The following ISM2 variants were observed in gnomAD, a reference collection of about 807,000 sequenced individuals.
ISM2 encodes the protein isthmin 2, also known as isthmin-2.
A neutral mutation model predicts 58.0 loss-of-function variants in ISM2; 50 were observed. The observed-to-expected ratio is 0.86, with a 90% CI of 0.69 to 1.09. The LOEUF is 1.09. Among genes scored for constraint, ISM2 ranks in the 50% least tolerant of loss-of-function variants. The probability of loss-of-function intolerance (pLI) is 0.00; values close to 1 mark genes in which losing one functional copy is unlikely to be tolerated. For synonymous variants in ISM2, 303 were observed against 312.4 expected (o/e 0.97, Z 0.32); for missense variants, 723 against 745.0 (o/e 0.97, Z 0.34).
At chr14:77,482,924 TG>T (rs5809836) in intron 3 of ISM2, 231,144 of 382,466 alleles carry the variant, frequency 0.6, 75,234 homozygotes, top group East Asian at 0.95. Flanking sequence ...TGAACTGGTC[TG>T]GGCTGGGGCC....
intron 3 of ISM2, among the ~76,000 whole-genome samples, chr14:77,483,559 A>AG (rs1183157560): frequency 9.8e-4 from 149 of 151,954 alleles, no homozygotes; most frequent in African/African-American, 3.4e-3. Context: ...AAAAAAAAAA[A>AG]AAAGAAAGAA....
chr14:77,488,179 G>A (rs773805435), intron 1 of ISM2, among the ~76,000 whole-genome samples: 1 of 152,200 alleles, frequency 6.6e-6, no homozygotes, highest in African/African-American at 2.4e-5. Context: ...ACTGTGCTGA[G>A]CACAGTGCCT....
At chr14:77,477,346 G>A (rs1220436589) in intron 6 of ISM2, among the ~76,000 whole-genome samples, 1 of 152,114 alleles carries the variant, frequency 6.6e-6, no homozygotes, top group Non-Finnish European at 1.5e-5. Flanking sequence ...GGACACTGGG[G>A]GACTGACTTT....
At chr14:77,478,187 T>G (rs1443128279) in intron 6 of ISM2, 55 bp downstream of exon 6, 6 of 1,412,270 alleles carry the variant, frequency 4.2e-6, no homozygotes, top group Non-Finnish European at 6.0e-6. Context: ...TACCCCACCC[T>G]CCCCTGAGAG....
In ISM2 at chr14:77,495,522, C is replaced by G. The variant is rs547418106; in HGVS notation, c.141+3131G>C. ...ATGCCAATTTAGTTAATTTTATTAT[C>G]ACTGTCATCTCCATGTAGGAGGAGG... On this transcript the variant is annotated intron_variant, in intron 1 of 6. Coordinates refer to ENST00000342219, the MANE Select transcript of ISM2 (RefSeq NM_199296.3). Among the ~76,000 whole-genome samples the G allele has an allele frequency of 3.2e-3, 493 of 152,186 alleles. 4 individuals are homozygous for G. Among genetic ancestry groups the G allele is most frequent in the Non-Finnish European group, 6.2e-3 (422 of 68,040 alleles).
At position 77,475,784 on chromosome 14, in the gene ISM2, C is replaced by T. The variant is rs781050081; in HGVS notation, c.1527G>A (p.Met509Ile). ...AGAAGTCGGTGCTGATGAGGTTGGGCATGCCGGCGCCCTTGCCACGGGTCA... is the reference window on the plus strand; with the variant it reads ...AGAAGTCGGTGCTGATGAGGTTGGGTATGCCGGCGCCCTTGCCACGGGTCA... ...RLLTRGKGAG[M>I]PNLISTDFSP... Residue 509 changes from methionine to isoleucine, a missense_variant, in exon 7 of 7, where the codon ATG becomes ATA. Coordinates refer to ENST00000342219, the MANE Select transcript of ISM2 (RefSeq NM_199296.3). This position sits in a 1 kb window ranked among gnomAD's most constrained non-coding sequence, Gnocchi z 4.1. The T allele has an allele frequency of 1.2e-6, 2 of 1,613,416 alleles. No homozygotes were observed.
chr14:77,476,234 C>G (rs543960309), intron 6 of ISM2, 122 bp from the exon 7 acceptor site: 1 of 1,142,468 alleles, frequency 8.8e-7, no homozygotes, highest in African/African-American at 1.6e-5. Context: ...GGTGCAAAGG[C>G]GTGGCTTGGT....
chr14:77,482,322 C>G lies in ISM2; in HGVS notation c.973G>C (p.Asp325His). 6.2e-7 allele frequency: 1 copy of G among 1,609,766 alleles called. No individual in the cohort carries two copies. The highest frequency in any genetic ancestry group is 1.1e-5 in the South Asian group (1 of 90,378). The change falls in exon 4 of 7, where the codon GAC (aspartate) becomes CAC (histidine). Residue 325 changes from aspartate (D) to histidine (H), a missense_variant and splice_region_variant. Asp to His is a moderately conservative substitution (Grantham distance 81). Coordinates refer to ENST00000342219, the MANE Select transcript of ISM2 (RefSeq NM_199296.3). ...GGGATGCCAAGATGGGGGTGCTCACCGTAGCTGACAGAATCCTTGAAGACC... is the reference window on the plus strand; with the variant it reads ...GGGATGCCAAGATGGGGGTGCTCACGGTAGCTGACAGAATCCTTGAAGACC... ...DWVFKDSVSY[D>H]YEPQKEWSPW... is the part of the protein sequence containing the mutation.
intron 1 of ISM2, among the ~76,000 whole-genome samples, chr14:77,490,936 C>T (rs2079199556): frequency 6.6e-6 from 1 of 152,338 alleles, no homozygotes; most frequent in Admixed American, 6.5e-5. Context: ...CAGGAGAAGG[C>T]TAGCAGGTGA....
At chr14:77,498,518 G>A (rs1359294652) in intron 1 of ISM2, 135 bp downstream of exon 1, 3 of 1,308,768 alleles carry the variant, frequency 2.3e-6, no homozygotes, top group East Asian at 2.7e-5. Context: ...GCTTCCGGCC[G>A]GCCCCGGCCC....
At chr14:77,495,669 G>A (rs76744777) in intron 1 of ISM2, among the ~76,000 whole-genome samples, 3,885 of 152,162 alleles carry the variant, frequency 0.026, 152 homozygotes, top group African/African-American at 0.089. Context: ...TGCTACAGGC[G>A]CCTAGTGGGT....
intron 4 of ISM2, 130 bp downstream of exon 4, chr14:77,482,192 T>C (rs1566754446): frequency 1.6e-6 from 1 of 619,134 alleles, no homozygotes; most frequent in Non-Finnish European, 2.8e-6. Flanking sequence ...ATGATGGTGT[T>C]TGAACAAGGC....
At chr14:77,478,124 G>A in intron 6 of ISM2, 118 bp downstream of exon 6, 1 of 817,546 alleles carries the variant, frequency 1.2e-6, no homozygotes, top group Non-Finnish European at 2.0e-6. Flanking sequence ...CTTCCAGATG[G>A]AAGCTGTGCT....
At position 77,483,660 on chromosome 14, in the gene ISM2, C is replaced by CTG. The variant is rs373182955; in HGVS notation, c.627+661_627+662dup. ...CGTGTGTGCGTGTGTGTGTGTGTGT[C>CTG]TGTGTGTGTGTGTGTAGGTAAGTAG... is the stretch of plus-strand genomic sequence containing the variant. On this transcript the variant is annotated intron_variant, in intron 3 of 6. Coordinates refer to ENST00000342219, the MANE Select transcript of ISM2 (RefSeq NM_199296.3). Among the ~76,000 whole-genome samples the CTG allele has an allele frequency of 1.9e-3, 279 of 147,762 alleles. 4 individuals are homozygous for CTG. In the South Asian group the frequency reaches 0.024, roughly 13 times the overall value.
chr14:77,481,846 T>A (rs2079133943), intron 4 of ISM2, among the ~76,000 whole-genome samples: 1 of 151,060 alleles, frequency 6.6e-6, no homozygotes, highest in African/African-American at 2.4e-5. Flanking sequence ...ATGCCTGTAA[T>A]CCCAGCACTT....
chr14:77,481,079 C>T (rs2079129365), intron 4 of ISM2, among the ~76,000 whole-genome samples: 2 of 151,960 alleles, frequency 1.3e-5, no homozygotes, highest in Admixed American at 6.5e-5. Context: ...GTGGCTCATG[C>T]CTGTAATTCC....
chr14:77,478,778 C>T, intron 4 of ISM2, 63 bp from the exon 5 acceptor site: 2 of 1,528,710 alleles, frequency 1.3e-6, no homozygotes, highest in South Asian at 1.1e-5. Flanking sequence ...TGGTACAAAT[C>T]AGCACAGGGC....
At chr14:77,489,591 T>G (rs1268816903) in intron 1 of ISM2, among the ~76,000 whole-genome samples, 11 of 152,122 alleles carry the variant, frequency 7.2e-5, no homozygotes, top group Non-Finnish European at 7.3e-5. Flanking sequence ...TTGCCCAGAC[T>G]GGCCTCGATA....
At chr14:77,488,523 C>A (rs1178934137) in intron 1 of ISM2, among the ~76,000 whole-genome samples, 1 of 152,158 alleles carries the variant, frequency 6.6e-6, no homozygotes, top group East Asian at 1.9e-4. Context: ...GGCTGGAGTC[C>A]ACATGACCGG....
Sources: gnomAD v4.1 joint callset for allele counts (sites outside exome capture counted in the v4.1 genomes callset) on GRCh38, gnomAD v4.1.1 for gene constraint, Gnocchi (gnomAD v3.1) non-coding constraint, MANE v1.5 for transcripts, NCBI Gene and HGNC (gene_info 2026-07-23, HGNC 2026-07-21) for gene names.